Variants in DACT2 observed in about 807,000 individuals in gnomAD.
DACT2 encodes the protein dapper homolog 2.
A neutral mutation model predicts 22.2 loss-of-function variants in DACT2; 20 were observed. The ratio of observed to expected loss-of-function variants is 0.90; its 90% CI spans 0.63 to 1.31. The LOEUF is 1.31. DACT2 is among the 50% of genes most tolerant of loss of function. The pLI is 0.00. For missense variants in DACT2, 1,048 were observed against 1,061.4 expected (o/e 0.99, Z 0.18); for synonymous variants, 463 against 479.8 (o/e 0.96, Z 0.46).
downstream of DACT2, among the ~76,000 whole-genome samples, chr6:168,305,307 G>A (rs1386225191): frequency 6.6e-6 from 1 of 152,176 alleles, no homozygotes; most frequent in Non-Finnish European, 1.5e-5. Context: ...CCTCCGGGCT[G>A]CAGGTTGGAA....
rs1254427703 is a variant in DACT2 at position 168,309,083 on chromosome 6, G to A, written c.674C>T (p.Ala225Val). The change falls in exon 4 of 4, where the codon GCC (alanine) becomes GTC (valine). Residue 225 changes from alanine to valine, a missense_variant. Transcript: ENST00000366795. ...CTGGAGCCCCGTGTCCGCCGGCAGG[G>A]CTCTGTCAAGATCACCTGGGAGCGA... ...RPVSTGDLDR[A>V]LPADTGLQKA... 6.5e-7 allele frequency: 1 copy of A among 1,529,886 alleles called. No individual in the cohort carries two copies. Among genetic ancestry groups the A allele is most frequent in the Non-Finnish European group, 8.8e-7 (1 of 1,140,948 alleles). The allele number at this position is 1,529,886 out of a possible 1,614,324, so 94.8% of individuals were successfully genotyped here.
At position 168,319,593 on chromosome 6, in the gene DACT2, TC is replaced by T. The variant is rs1199206832; in HGVS notation, c.40del (p.Asp14ThrfsTer72). 7.4e-7 allele frequency: 1 copy of T among 1,351,968 alleles called. No individual in the cohort carries two copies. Among genetic ancestry groups the T allele is most frequent in the Non-Finnish European group, 9.6e-7 (1 of 1,046,040 alleles). 83.7% of individuals were successfully genotyped at this position (1,351,968 alleles called of 1,614,324 possible). On this transcript the variant is annotated frameshift_variant, in exon 1 of 4. Coordinates refer to ENST00000366795, the MANE Select transcript of DACT2 (RefSeq NM_214462.5). LOFTEE classifies it high-confidence loss of function. The part of the protein sequence containing the change: ...PGGPPGSAGW[D>X]RRRLGARLRA... ...CAACCTCGCGCCCAACCTACGGCGG[TC>T]CCAGCCCGCGGACCCCGGGGGTCCG... is the stretch of plus-strand genomic sequence containing the variant.
At chr6:168,293,945 T>C in intron 5 of DACT2, 1 of 703,496 alleles carries the variant, frequency 1.4e-6, no homozygotes, top group Non-Finnish European at 2.6e-6. Context: ...TTGTGTTCTG[T>C]AAGTGACGTC....
intron 3 of DACT2, 105 bp from the exon 4 acceptor site, chr6:168,309,203 C>G: frequency 7.0e-7 from 1 of 1,429,856 alleles, no homozygotes; most frequent in Non-Finnish European, 9.2e-7. Flanking sequence ...TGCTCATTCA[C>G]TGCTTCGAGG....
exon 6 of DACT2, chr6:168,293,803 T>C (rs1778951760): frequency 2.9e-6 from 2 of 698,962 alleles, no homozygotes; most frequent in Non-Finnish European, 5.2e-6. Context: ...GCCGATGATA[T>C]CGGGAGAAGA....
At chr6:168,315,405 C>T (rs1282086940) in intron 1 of DACT2, among the ~76,000 whole-genome samples, 1 of 152,112 alleles carries the variant, frequency 6.6e-6, no homozygotes, top group Non-Finnish European at 1.5e-5. Context: ...AGTTTCCTCA[C>T]AGACATACAT....
chr6:168,293,641 G>C (rs958017733), exon 6 of DACT2: 11 of 508,624 alleles, frequency 2.2e-5, no homozygotes, highest in Non-Finnish European at 3.2e-5. Flanking sequence ...ATTTGTTAGG[G>C]AGAAACCATT....
intron 3 of DACT2, among the ~76,000 whole-genome samples, chr6:168,301,458 C>A (rs567357334): frequency 9.8e-5 from 15 of 152,328 alleles, no homozygotes; most frequent in African/African-American, 3.6e-4. Flanking sequence ...GCCAGTGGCC[C>A]GGTCAGGCTC....
rs781619443 is a variant in DACT2, at chr6:168,309,043, G to A, written c.714C>T (p.Asp238=). Residue 238 remains aspartate (D), a synonymous_variant, in exon 4 of 4, where the codon GAC becomes GAT. Coordinates refer to ENST00000366795, the MANE Select transcript of DACT2 (RefSeq NM_214462.5). ...ADTGLQKASA[D]AELLGLLCQG... ...GGCAGAGGAGCCCGAGGAGCTCGGC[G>A]TCCGCGCTGGCTTTCTGGAGCCCCG... The A allele has an allele frequency of 1.4e-4, 217 of 1,543,100 alleles. 2 individuals are homozygous for A. In the Admixed American group the frequency reaches 3.5e-3, roughly 25 times the overall value.
At chr6:168,315,839 C>G (rs1039382411) in intron 1 of DACT2, among the ~76,000 whole-genome samples, 1 of 152,178 alleles carries the variant, frequency 6.6e-6, no homozygotes, top group Admixed American at 6.5e-5. Flanking sequence ...GCGGAGGGAA[C>G]CCTGAGTTAG....
chr6:168,295,899 G>A (rs1402751247), intron 3 of DACT2, among the ~76,000 whole-genome samples: 2 of 152,250 alleles, frequency 1.3e-5, no homozygotes, highest in Non-Finnish European at 2.9e-5. Context: ...GAATAGCTGT[G>A]TCCCCAGGAG....
At chr6:168,302,166 A>G (rs6915075), downstream of DACT2, 6,791 of 152,394 alleles carry the variant, frequency 0.045, 496 homozygotes, top group African/African-American at 0.15. Flanking sequence ...GTTATTGATT[A>G]GCCAGCTTGT....
intron 3 of DACT2, among the ~76,000 whole-genome samples, chr6:168,297,593 C>T (rs1779029603): frequency 6.6e-6 from 1 of 152,212 alleles, no homozygotes; most frequent in African/African-American, 2.4e-5. Flanking sequence ...GATTGTGGAC[C>T]TCCGCCCTCC....
Position 168,319,463 on chromosome 6 carries a change from C to T in DACT2, c.171G>A (p.Ala57=). The T allele has an allele frequency of 8.3e-7, 1 of 1,203,474 alleles. No individual in the cohort carries two copies. Among genetic ancestry groups the T allele is most frequent in the Non-Finnish European group, 1.0e-6 (1 of 970,852 alleles). The allele number at this position is 1,203,474 out of a possible 1,614,324, so 74.5% of individuals were successfully genotyped here. ...CGTGGAGGCCGTGGGGGCCGCAGGGCGCGGCGGGCGCGGGCGGGGGCTGCA... is the reference window on the plus strand; with the variant it reads ...CGTGGAGGCCGTGGGGGCCGCAGGGTGCGGCGGGCGCGGGCGGGGGCTGCA... ...LALQPPPAPA[A]PCGPHGLHGP... Residue 57 remains alanine, a synonymous_variant, in exon 1 of 4, where the codon GCG becomes GCA. Coordinates refer to ENST00000366795, the MANE Select transcript of DACT2 (RefSeq NM_214462.5).
chr6:168,302,604 G>A (rs1779130271), downstream of DACT2, among the ~76,000 whole-genome samples: 1 of 152,206 alleles, frequency 6.6e-6, no homozygotes, highest in African/African-American at 2.4e-5. Context: ...GGATTCAGGA[G>A]CCCAAGGCTA....
chr6:168,303,467 G>T (rs1368151534), downstream of DACT2, among the ~76,000 whole-genome samples: 1 of 152,138 alleles, frequency 6.6e-6, no homozygotes, highest in Non-Finnish European at 1.5e-5. Flanking sequence ...TAAAAGAATG[G>T]CTTCCTCGGC....
chr6:168,315,261 G>A (rs1779515312), intron 1 of DACT2, among the ~76,000 whole-genome samples: 1 of 152,200 alleles, frequency 6.6e-6, no homozygotes. Flanking sequence ...AGCGCCCACT[G>A]GTGAAGGATG....
At chr6:168,306,843 G>C (rs1017854400), downstream of DACT2, 11 of 971,772 alleles carry the variant, frequency 1.1e-5, no homozygotes, top group Non-Finnish European at 1.3e-5. Flanking sequence ...CCTGTGATGG[G>C]CAGGCATGAT....
chr6:168,301,242 C>T (rs1425851289), intron 3 of DACT2, among the ~76,000 whole-genome samples: 3 of 152,310 alleles, frequency 2.0e-5, no homozygotes, highest in Admixed American at 6.5e-5. Context: ...TGCCCAGACC[C>T]TGGGCCAGGC....
Sources: allele counts gnomAD v4.1 joint callset (sites outside exome capture counted in the v4.1 genomes callset), GRCh38; gene constraint gnomAD v4.1.1; transcripts MANE v1.5; gene names NCBI Gene and HGNC (gene_info 2026-07-23, HGNC 2026-07-21).